The following FHIT variants were observed in gnomAD, a reference collection of about 807,000 sequenced individuals.
The protein encoded by FHIT is bis(5'-adenosyl)-triphosphatase.
FHIT carries 19 observed loss-of-function variants against 17.9 expected under a neutral mutation model. That is an observed-to-expected ratio of 1.06 (90% confidence interval 0.74 to 1.56). The LOEUF is 1.56. Among genes scored for constraint, FHIT ranks in the 40% most tolerant of loss-of-function variants. The pLI is 0.00. For synonymous variants in FHIT, 81 were observed against 69.7 expected (o/e 1.16, Z -0.81); for missense variants, 248 against 189.2 (o/e 1.31, Z -1.82).
At chr3:59,925,727 C>T (rs76985614) in intron 7 of FHIT, among the ~76,000 whole-genome samples, 6 of 152,098 alleles carry the variant, frequency 3.9e-5, no homozygotes, top group East Asian at 1.9e-4. Context: ...GGTTTTTTCC[C>T]GAGGGCATAG....
intron 3 of FHIT, among the ~76,000 whole-genome samples, chr3:61,005,728 A>G (rs1340156880): frequency 6.6e-6 from 1 of 152,082 alleles, no homozygotes; most frequent in African/African-American, 2.4e-5. Flanking sequence ...CAATAATTAT[A>G]TATGTGGTGC....
At chr3:59,845,627 G>A (rs1009075168) in intron 8 of FHIT, among the ~76,000 whole-genome samples, 1 of 152,024 alleles carries the variant, frequency 6.6e-6, no homozygotes, top group Non-Finnish European at 1.5e-5. Context: ...ATCCTATTGT[G>A]ATCAGAGAAG....
intron 5 of FHIT, among the ~76,000 whole-genome samples, chr3:60,480,034 T>C (rs1166589020): frequency 5.3e-5 from 8 of 152,192 alleles, no homozygotes; most frequent in Non-Finnish European, 1.2e-4. Context: ...GACTGGGTAC[T>C]TTATGAAGAG....
chr3:59,914,355 C>T (rs1166246680), intron 8 of FHIT, among the ~76,000 whole-genome samples: 2 of 152,072 alleles, frequency 1.3e-5, no homozygotes, highest in Admixed American at 6.5e-5. Flanking sequence ...CACATTTGAA[C>T]ACTCAAGCCG....
chr3:59,902,581 T>C (rs1044231041), intron 8 of FHIT, among the ~76,000 whole-genome samples: 1 of 151,458 alleles, frequency 6.6e-6, no homozygotes. Context: ...ATGCGATGTA[T>C]ATATCAATAA....
rs529081962 is a variant in FHIT at position 61,209,866 on chromosome 3, C to T, written c.-212-9201G>A. Among the ~76,000 whole-genome samples the T allele has an allele frequency of 3.7e-3, 568 of 152,300 alleles. 4 individuals are homozygous for T. The highest frequency in any genetic ancestry group is 6.3e-3 in the Non-Finnish European group (427 of 68,028). On this transcript the variant is annotated intron_variant, in intron 1 of 9. Coordinates refer to ENST00000492590, the MANE Select transcript of FHIT (RefSeq NM_002012.4). Reference sequence around the variant, plus strand: ...TCCATTGCTGGTGAGGAGCTGCGTTCCTTTGGAGGAGGAGAGGCACTCTGA... The same window carrying T: ...TCCATTGCTGGTGAGGAGCTGCGTTTCTTTGGAGGAGGAGAGGCACTCTGA...
chr3:60,669,599 A>G (rs1212086589), intron 4 of FHIT, among the ~76,000 whole-genome samples: 1 of 152,248 alleles, frequency 6.6e-6, no homozygotes, highest in East Asian at 1.9e-4. Context: ...TAGAAATAAA[A>G]CAATCATTTG....
At chr3:60,832,295 G>A (rs1422393144) in intron 3 of FHIT, among the ~76,000 whole-genome samples, 1 of 152,132 alleles carries the variant, frequency 6.6e-6, no homozygotes, top group Non-Finnish European at 1.5e-5. Flanking sequence ...CAGAGGCAAA[G>A]AGAGTTAAAT....
At chr3:60,207,252 A>G (rs1314203254) in intron 5 of FHIT, among the ~76,000 whole-genome samples, 1 of 152,104 alleles carries the variant, frequency 6.6e-6, no homozygotes, top group Admixed American at 6.6e-5. Flanking sequence ...AGAAATTAGA[A>G]TATTTACTTT....
chr3:60,221,232 C>T (rs905485986), intron 5 of FHIT, among the ~76,000 whole-genome samples: 2 of 152,124 alleles, frequency 1.3e-5, no homozygotes, highest in African/African-American at 4.8e-5. Context: ...ACTAACATGG[C>T]ATATGTTATA....
intron 4 of FHIT, among the ~76,000 whole-genome samples, chr3:60,756,371 C>A (rs372307753): frequency 1.3e-5 from 2 of 152,122 alleles, no homozygotes; most frequent in South Asian, 2.1e-4. Context: ...CTTCACCACA[C>A]AAAAGTGCTG....
chr3:60,629,351 A>T (rs555460419), intron 4 of FHIT, among the ~76,000 whole-genome samples: 2 of 152,180 alleles, frequency 1.3e-5, no homozygotes, highest in South Asian at 2.1e-4. Flanking sequence ...AGATTTGCTC[A>T]CATAAGTGCT....
chr3:60,423,405 C>T (rs527947836), intron 5 of FHIT, among the ~76,000 whole-genome samples: 10 of 152,100 alleles, frequency 6.6e-5, no homozygotes, highest in African/African-American at 1.9e-4. Flanking sequence ...AAAAACAGAG[C>T]GTGAGAAACA....
At chr3:61,009,679 G>A (rs893536185) in intron 3 of FHIT, among the ~76,000 whole-genome samples, 8 of 151,928 alleles carry the variant, frequency 5.3e-5, no homozygotes, top group African/African-American at 1.5e-4. Flanking sequence ...TGGAGTACAT[G>A]TTTGAAAATA....
At chr3:60,411,870 A>G (rs1158798410) in intron 5 of FHIT, among the ~76,000 whole-genome samples, 1 of 152,188 alleles carries the variant, frequency 6.6e-6, no homozygotes, top group Non-Finnish European at 1.5e-5. Flanking sequence ...AGAGGTATGA[A>G]TCTGACTTTT....
At chr3:60,129,113 C>T (rs561500053) in intron 5 of FHIT, among the ~76,000 whole-genome samples, 11 of 133,490 alleles carry the variant, frequency 8.2e-5, no homozygotes, top group South Asian at 4.9e-4. Context: ...AGTGCAGTGG[C>T]GCAATCTTGG....
intron 5 of FHIT, among the ~76,000 whole-genome samples, chr3:60,182,016 C>G (rs1393755414): frequency 1.3e-5 from 2 of 152,134 alleles, no homozygotes; most frequent in East Asian, 1.9e-4. Flanking sequence ...TAATTATATG[C>G]TAAGTAAGAG....
intron 5 of FHIT, among the ~76,000 whole-genome samples, chr3:60,148,396 G>A (rs75756022): frequency 1.3e-5 from 2 of 152,210 alleles, no homozygotes; most frequent in African/African-American, 4.8e-5. Context: ...CTAGTGAAAT[G>A]TAAGTGTGGG....
intron 5 of FHIT, among the ~76,000 whole-genome samples, chr3:60,362,390 A>AT (rs976710993): frequency 1.5e-3 from 231 of 151,696 alleles, no homozygotes; most frequent in African/African-American, 5.0e-3. Flanking sequence ...TTCTGTTCGG[A>AT]TTTTTTTTTG....
Sources: gnomAD v4.1 joint callset for allele counts (sites outside exome capture counted in the v4.1 genomes callset) on GRCh38, gnomAD v4.1.1 for gene constraint, MANE v1.5 for transcripts, NCBI Gene and HGNC (gene_info 2026-07-23, HGNC 2026-07-21) for gene names.